ARSB: variants seen among roughly 807,000 people sequenced by gnomAD.
ARSB encodes the protein N-acetylgalactosamine-4-sulfatase.
A neutral mutation model predicts 50.9 loss-of-function variants in ARSB; 41 were observed. The ratio of observed to expected loss-of-function variants is 0.81; its 90% CI spans 0.63 to 1.04. ARSB has a LOEUF of 1.04. Ranked by LOEUF, ARSB falls within the 50% of genes least tolerant of loss-of-function variation. The probability of loss-of-function intolerance (pLI) is 0.00; values close to 1 mark genes in which losing one functional copy is unlikely to be tolerated. For synonymous variants in ARSB, 269 were observed against 284.8 expected (o/e 0.94, Z 0.56); for missense variants, 672 against 693.3 (o/e 0.97, Z 0.35).
At chr5:78,865,448 C>G (rs1251557488) in intron 5 of ARSB, among the ~76,000 whole-genome samples, 1 of 152,240 alleles carries the variant, frequency 6.6e-6, no homozygotes, top group East Asian at 1.9e-4. Context: ...CTAGGCCTGG[C>G]CCCTGAAACC....
At chr5:78,893,329 G>A (rs561376289) in intron 4 of ARSB, among the ~76,000 whole-genome samples, 11 of 152,246 alleles carry the variant, frequency 7.2e-5, no homozygotes, top group African/African-American at 2.4e-4. Context: ...ACTAATACAC[G>A]GATGTAGCCA....
chr5:78,906,339 T>C (rs1490928224), intron 4 of ARSB, among the ~76,000 whole-genome samples: 1 of 151,836 alleles, frequency 6.6e-6, no homozygotes, highest in Admixed American at 6.6e-5. Flanking sequence ...TCTCAAAAAA[T>C]TAAAAGAAAA....
At chr5:78,913,143 T>C (rs1274472275) in intron 4 of ARSB, among the ~76,000 whole-genome samples, 2 of 151,326 alleles carry the variant, frequency 1.3e-5, no homozygotes, top group African/African-American at 2.4e-5. Flanking sequence ...TTTTCTTTTG[T>C]TGAGACAGAG....
chr5:78,795,571 T>G (rs904597111), intron 6 of ARSB, among the ~76,000 whole-genome samples: 2 of 152,210 alleles, frequency 1.3e-5, no homozygotes, highest in Non-Finnish European at 2.9e-5. Context: ...ATTTCTGAAC[T>G]TGAACCTGGT....
chr5:78,964,379 C>T (rs370549506), intron 3 of ARSB, 37 bp downstream of exon 3: 5 of 1,590,062 alleles, frequency 3.1e-6, no homozygotes, highest in African/African-American at 1.3e-5. Context: ...ATTAGTGTAA[C>T]AAGATTTTGC....
intron 6 of ARSB, among the ~76,000 whole-genome samples, chr5:78,822,621 C>T (rs529814078): frequency 6.6e-6 from 1 of 152,238 alleles, no homozygotes; most frequent in East Asian, 1.9e-4. Context: ...TATTCTCTTT[C>T]TAATCCTGTT....
intron 5 of ARSB, among the ~76,000 whole-genome samples, chr5:78,853,312 A>G (rs1437794971): frequency 2.0e-5 from 3 of 152,180 alleles, no homozygotes; most frequent in Admixed American, 2.0e-4. Flanking sequence ...GGAGTTTGCT[A>G]GAGGTCCACT....
intron 1 of ARSB, among the ~76,000 whole-genome samples, chr5:78,975,151 C>T (rs1327036808): frequency 2.6e-5 from 4 of 152,136 alleles, no homozygotes; most frequent in African/African-American, 7.2e-5. Flanking sequence ...CCTCAAAGTC[C>T]AGGGAGAGGC....
intron 6 of ARSB, among the ~76,000 whole-genome samples, chr5:78,785,233 AT>A (rs34264126): frequency 0.081 from 12,152 of 150,442 alleles, 644 homozygotes; most frequent in Admixed American, 0.14. Flanking sequence ...TTAATTTGTT[AT>A]TTTTTTTATA....
intron 6 of ARSB, chr5:78,816,069 T>A (rs768254036): frequency 1.5e-5 from 25 of 1,613,948 alleles, no homozygotes; most frequent in Middle Eastern, 1.6e-4. Context: ...TCATCTTCAG[T>A]AGAAAGTTGG....
At chr5:78,822,417 C>G (rs1218097360) in intron 6 of ARSB, among the ~76,000 whole-genome samples, 4 of 152,136 alleles carry the variant, frequency 2.6e-5, no homozygotes, top group Non-Finnish European at 4.4e-5. Context: ...GAGATTTTGA[C>G]ACTCTTGGTG....
At chr5:78,879,302 A>G (rs1249498869) in intron 5 of ARSB, among the ~76,000 whole-genome samples, 1 of 152,244 alleles carries the variant, frequency 6.6e-6, no homozygotes, top group Non-Finnish European at 1.5e-5. Flanking sequence ...AAAAGCAGAA[A>G]AACTACACAG....
At chr5:78,849,843 C>T (rs2112037009) in intron 5 of ARSB, among the ~76,000 whole-genome samples, 1 of 149,396 alleles carries the variant, frequency 6.7e-6, no homozygotes, top group Middle Eastern at 3.5e-3. Flanking sequence ...GGAGTTCACT[C>T]ATGATTTGGC....
In ARSB at chr5:78,815,640, A is replaced by G. The variant is rs778290961; in HGVS notation, c.1213+23716T>C. 3.6e-4 allele frequency: 361 copies of G among 1,001,378 alleles called. 21 individuals are homozygous for G. The highest frequency in any genetic ancestry group is 4.2e-4 in the Non-Finnish European group (354 of 839,062). 62.0% of individuals were successfully genotyped at this position (1,001,378 alleles called of 1,614,324 possible). ...ACTCTTCTCTATATGCTATTAGGTA[A>G]TAAGAAAAGTTCCAAACATTATTCA... is the stretch of plus-strand genomic sequence containing the variant. On this transcript the variant is annotated intron_variant, in intron 6 of 7. Transcript: ENST00000264914.
intron 5 of ARSB, among the ~76,000 whole-genome samples, chr5:78,847,380 G>A (rs903419952): frequency 6.6e-6 from 1 of 152,058 alleles, no homozygotes; most frequent in Admixed American, 6.6e-5. Context: ...TCCTGCCTTG[G>A]CCTCCCAAAG....
intron 4 of ARSB, among the ~76,000 whole-genome samples, chr5:78,945,106 C>T (rs1214927493): frequency 4.6e-5 from 7 of 152,146 alleles, no homozygotes; most frequent in Admixed American, 3.9e-4. Flanking sequence ...CCTGGTGTGC[C>T]GTTTGCTAAG....
At chr5:78,826,609 C>G (rs945236465) in intron 6 of ARSB, among the ~76,000 whole-genome samples, 9 of 152,148 alleles carry the variant, frequency 5.9e-5, no homozygotes, top group African/African-American at 1.9e-4. Flanking sequence ...AGTTTCTTTT[C>G]TTTATTGCTC....
At chr5:78,796,939 G>A (rs1336173885) in intron 6 of ARSB, among the ~76,000 whole-genome samples, 28 of 142,044 alleles carry the variant, frequency 2.0e-4, no homozygotes, top group Non-Finnish European at 3.7e-4. Context: ...GTGCAGTGGC[G>A]GGATCTCGGC....
chr5:78,969,217 T>C (rs1440261910), intron 1 of ARSB, 25 bp from the exon 2 acceptor site: 3 of 1,612,172 alleles, frequency 1.9e-6, no homozygotes, highest in African/African-American at 1.3e-5. Flanking sequence ...CATAAAATTA[T>C]AGATTAATGA....
Sources: gnomAD v4.1 joint callset for allele counts (sites outside exome capture counted in the v4.1 genomes callset) on GRCh38, gnomAD v4.1.1 for gene constraint, MANE v1.5 for transcripts, NCBI Gene and HGNC (gene_info 2026-07-23, HGNC 2026-07-21) for gene names.